C2CD3: variants seen among roughly 807,000 people sequenced by gnomAD.
C2CD3 encodes C2 domain-containing protein 3.
A neutral mutation model predicts 234.0 loss-of-function variants in C2CD3; 148 were observed. The observed-to-expected ratio is 0.63, with a 90% confidence interval of 0.55 to 0.72. The LOEUF (loss-of-function observed/expected upper bound fraction) is 0.72. C2CD3 is among the 30% of genes least tolerant of loss of function. The probability of loss-of-function intolerance (pLI) is 0.00; values close to 1 mark genes in which losing one functional copy is unlikely to be tolerated. For missense variants in C2CD3, 2,577 were observed against 2,811.5 expected (o/e 0.92, Z 1.89); for synonymous variants, 1,000 against 1,035.4 (o/e 0.97, Z 0.66).
chr11:74,083,673 C>T (rs1955500442), intron 22 of C2CD3, among the ~76,000 whole-genome samples: 1 of 152,118 alleles, frequency 6.6e-6, no homozygotes, highest in African/African-American at 2.4e-5. Flanking sequence ...ATTTATGCAG[C>T]CAACAGACAC....
intron 8 of C2CD3, among the ~76,000 whole-genome samples, chr11:74,120,404 T>C (rs1359427995): frequency 6.6e-6 from 1 of 152,194 alleles, no homozygotes; most frequent in Non-Finnish European, 1.5e-5. Context: ...TGTGATAGCT[T>C]GCTCAGAATG....
chr11:74,050,909 G>C (rs1457614750), intron 26 of C2CD3, among the ~76,000 whole-genome samples: 1 of 151,426 alleles, frequency 6.6e-6, no homozygotes, highest in African/African-American at 2.5e-5. Flanking sequence ...AGCAAATCTA[G>C]GTATGGCTTT....
intron 24 of C2CD3, among the ~76,000 whole-genome samples, chr11:74,068,899 G>A (rs1319594793): frequency 6.6e-6 from 1 of 152,120 alleles, no homozygotes; most frequent in Non-Finnish European, 1.5e-5. Flanking sequence ...TCCACCTCCT[G>A]GGTTCAAGTG....
intron 2 of C2CD3, among the ~76,000 whole-genome samples, chr11:74,164,502 G>A (rs58898896): frequency 6.6e-6 from 1 of 152,198 alleles, no homozygotes; most frequent in African/African-American, 2.4e-5. Flanking sequence ...TGGTGCCAGG[G>A]TAACCTTGGG....
chr11:74,039,654 C>T (rs1352822074), intron 29 of C2CD3, among the ~76,000 whole-genome samples: 1 of 152,162 alleles, frequency 6.6e-6, no homozygotes, highest in Admixed American at 6.5e-5. Flanking sequence ...CCTCAGGATA[C>T]ACTTGGCAAT....
At chr11:74,120,126 CCTTT>C (rs982161159) in intron 8 of C2CD3, among the ~76,000 whole-genome samples, 6 of 150,996 alleles carry the variant, frequency 4.0e-5, no homozygotes, top group African/African-American at 1.2e-4. Flanking sequence ...AAGATTACTT[CCTTT>C]TTTTTTTTTA....
intron 3 of C2CD3, among the ~76,000 whole-genome samples, chr11:74,157,414 G>A (rs1477683395): frequency 6.6e-6 from 1 of 152,056 alleles, no homozygotes; most frequent in African/African-American, 2.4e-5. Flanking sequence ...CAACAGAAAA[G>A]CATGACTAAA....
intron 28 of C2CD3, among the ~76,000 whole-genome samples, chr11:74,044,323 C>T (rs930973890): frequency 1.9e-4 from 29 of 151,890 alleles, no homozygotes; most frequent in African/African-American, 6.8e-4. Context: ...GGTGTGGTGG[C>T]GTGCACCTGT....
At chr11:74,034,427 C>T in intron 30 of C2CD3, 149 bp from the exon 31 acceptor site, 1 of 1,525,160 alleles carries the variant, frequency 6.6e-7, no homozygotes. Flanking sequence ...TTCAGTGAGA[C>T]TATATTCAAG....
intron 6 of C2CD3, 66 bp downstream of exon 6, chr11:74,133,359 C>CA (rs1957742829): frequency 6.8e-7 from 1 of 1,466,364 alleles, no homozygotes; most frequent in East Asian, 2.3e-5. Flanking sequence ...CATAACTTGA[C>CA]AAAAAACACA....
chr11:74,118,215 C>T lies in C2CD3; in HGVS notation c.1520+13G>A, dbSNP rs185037500. ...TTGTGTTTACCTTTAAATAAACAGT[C>T]AGAGCAGCTCACCTATTTCTCTTGC... On this transcript the variant is annotated intron_variant, in intron 9 of 32. Transcript: ENST00000334126. 6.2e-7 allele frequency: 1 copy of T among 1,605,988 alleles called. No homozygotes were observed. Among genetic ancestry groups the T allele is most frequent in the African/African-American group, 1.3e-5 (1 of 74,520 alleles).
At position 74,085,771 on chromosome 11, in the gene C2CD3, C is replaced by A; in HGVS notation, c.3757G>T (p.Val1253Leu). 1 of 1,614,086 alleles carries A rather than the reference C, an allele frequency of 6.2e-7. No homozygotes were observed. Among genetic ancestry groups the A allele is most frequent in the Non-Finnish European group, 8.5e-7 (1 of 1,180,024 alleles). The change falls in exon 21 of 33, where the codon GTG becomes TTG. Residue 1253 changes from valine to leucine, a missense_variant. Val to Leu is a conservative substitution (Grantham distance 32). Coordinates refer to ENST00000334126, the MANE Select transcript of C2CD3 (RefSeq NM_001286577.2). ...PQGEQRRTHP[V>L]ACSFCPEFSH... ...AACTCAGGGCAGAAAGAACAGGCCA[C>A]AGGGTGGGTTCGGCGCTGTTCTCCC...
chr11:74,163,593 C>T (rs986976537), intron 2 of C2CD3, among the ~76,000 whole-genome samples: 7 of 152,178 alleles, frequency 4.6e-5, no homozygotes, highest in African/African-American at 1.4e-4. Context: ...CTTTGCTGGG[C>T]ACTCATTTTT....
intron 32 of C2CD3, among the ~76,000 whole-genome samples, chr11:74,026,776 T>C (rs1204695926): frequency 1.3e-5 from 2 of 151,874 alleles, no homozygotes; most frequent in African/African-American, 4.8e-5. Flanking sequence ...GAGACCATCC[T>C]GGCCAACATG....
At chr11:74,042,031 G>C (rs1486939694) in intron 29 of C2CD3, 23 bp downstream of exon 29, 2 of 1,611,890 alleles carry the variant, frequency 1.2e-6, no homozygotes, top group Non-Finnish European at 1.7e-6. Flanking sequence ...GGTTTCCTGT[G>C]TCTTTTCTCA....
At chr11:74,047,113 C>T (rs908953473) in intron 28 of C2CD3, among the ~76,000 whole-genome samples, 1 of 152,176 alleles carries the variant, frequency 6.6e-6, no homozygotes, top group Non-Finnish European at 1.5e-5. Context: ...GATAGGATTC[C>T]AGATCTGTCT....
At position 74,138,912 on chromosome 11, in the gene C2CD3, A is replaced by C. The variant is rs377342585; in HGVS notation, c.763T>G (p.Phe255Val). Residue 255 changes from phenylalanine (F) to valine (V), a missense_variant, in exon 5 of 33, where the codon TTT (phenylalanine) becomes GTT (valine). Phe to Val is a conservative substitution (Grantham distance 50, BLOSUM62 -1). Coordinates refer to ENST00000334126, the MANE Select transcript of C2CD3 (RefSeq NM_001286577.2). ...ENPDTIKDSS[F>V]GLQHSLNSGQ... ...GAATTAAGACTGTGCTGTAGTCCAA[A>C]GGAAGAATCCTTTATTGTATCAGGG... 6 of 1,612,836 alleles carry C rather than the reference A, an allele frequency of 3.7e-6. No individual in the cohort carries two copies. In the African/African-American group the frequency reaches 8.0e-5, roughly 22 times the overall value.
intron 2 of C2CD3, among the ~76,000 whole-genome samples, chr11:74,167,594 CT>C (rs1454288505): frequency 6.6e-6 from 1 of 152,256 alleles, no homozygotes; most frequent in Non-Finnish European, 1.5e-5. Context: ...TAACTCACCC[CT>C]GGCTCTCCAA....
At chr11:74,017,811 C>T (rs1189910917) in intron 32 of C2CD3, among the ~76,000 whole-genome samples, 1 of 152,210 alleles carries the variant, frequency 6.6e-6, no homozygotes, top group Admixed American at 6.5e-5. Flanking sequence ...GAGGGCCTGG[C>T]CCTCTTCTTT....
Sources: allele counts gnomAD v4.1 joint callset (sites outside exome capture counted in the v4.1 genomes callset), GRCh38; gene constraint gnomAD v4.1.1; transcripts MANE v1.5; gene names NCBI Gene and HGNC (gene_info 2026-07-23, HGNC 2026-07-21).